ZNF721: variants seen among roughly 807,000 people sequenced by gnomAD.
The protein encoded by ZNF721 is zinc finger protein 721.
Under a neutral mutation model 2.4 loss-of-function variants are expected in ZNF721, and 2 were observed. The ratio of observed to expected loss-of-function variants is 0.82; its 90% CI spans 0.34 to 2.58. ZNF721 has a LOEUF of 2.58. Ranked by LOEUF, ZNF721 falls within the 30% of genes most tolerant of loss-of-function variation. The pLI is 0.11. For missense variants in ZNF721, 1,187 were observed against 1,085.5 expected (o/e 1.09, Z -1.31); for synonymous variants, 398 against 381.8 (o/e 1.04, Z -0.50).
intron 2 of ZNF721, among the ~76,000 whole-genome samples, chr4:450,959 ATATATATATAT>A (rs1560228772): frequency 0.041 from 902 of 22,138 alleles, 48 homozygotes; most frequent in East Asian, 0.2. Flanking sequence ...AAAAAAAAAT[ATATATATATAT>A]ATATATATAT....
Position 443,403 on chromosome 4 carries a change from T to C in ZNF721, c.1064A>G (p.His355Arg), listed in dbSNP as rs782392599. 6.2e-7 allele frequency: 1 copy of C among 1,612,972 alleles called. No individual in the cohort carries two copies. The highest frequency in any genetic ancestry group is 8.5e-7 in the Non-Finnish European group (1 of 1,179,174). The stretch of plus-strand genomic sequence containing the variant: ...GCATTTGTAAGGTTTCTCTCCAGTA[T>C]GAATTCTCCTATGTACGTAAAGGTT... ...SANLYVHRRIHTGEKPYKCED... is the reference protein window; with the variant it reads ...SANLYVHRRIRTGEKPYKCED... Residue 355 changes from histidine to arginine, a missense_variant, in exon 3 of 3, where the codon CAT becomes CGT. Transcript: ENST00000511833.
At chr4:494,325 G>A (rs1387114815) in intron 1 of ZNF721, among the ~76,000 whole-genome samples, 1 of 151,630 alleles carries the variant, frequency 6.6e-6, no homozygotes, top group Non-Finnish European at 1.5e-5. Flanking sequence ...GGGACTACAG[G>A]CGCCCGCCAC....
chr4:493,505 C>G (rs928719661), intron 1 of ZNF721, among the ~76,000 whole-genome samples: 1 of 152,094 alleles, frequency 6.6e-6, no homozygotes, highest in African/African-American at 2.4e-5. Flanking sequence ...ATGGCGAAAC[C>G]CTTTCTTTAC....
At chr4:486,573 T>C (rs1392086609) in intron 1 of ZNF721, among the ~76,000 whole-genome samples, 1 of 152,186 alleles carries the variant, frequency 6.6e-6, no homozygotes, top group Non-Finnish European at 1.5e-5. Context: ...TCGGCTAAAT[T>C]GCACTGGGAA....
intron 1 of ZNF721, among the ~76,000 whole-genome samples, chr4:483,169 A>G (rs1209719354): frequency 6.6e-6 from 1 of 152,238 alleles, no homozygotes; most frequent in Non-Finnish European, 1.5e-5. Context: ...CAGGTGGAGC[A>G]TCAGCCTATT....
intron 2 of ZNF721, among the ~76,000 whole-genome samples, chr4:454,228 T>TG (rs1376919870): frequency 6.6e-6 from 1 of 152,198 alleles, no homozygotes; most frequent in Non-Finnish European, 1.5e-5. Context: ...GAGATACACT[T>TG]GGGGGTGGCC....
chr4:494,067 TTTTA>T (rs1227811169), intron 1 of ZNF721, among the ~76,000 whole-genome samples: 1 of 152,214 alleles, frequency 6.6e-6, no homozygotes, highest in African/African-American at 2.4e-5. Context: ...ATTTAAGTGC[TTTTA>T]TTTTTCTTTA....
At chr4:473,612 CTA>C (rs1199033477) in intron 1 of ZNF721, among the ~76,000 whole-genome samples, 18 of 152,212 alleles carry the variant, frequency 1.2e-4, no homozygotes, top group Admixed American at 6.5e-5. Context: ...CACATGAACT[CTA>C]TGTTTTGATG....
At chr4:446,842 C>T (rs1553864245) in intron 2 of ZNF721, among the ~76,000 whole-genome samples, 1 of 151,822 alleles carries the variant, frequency 6.6e-6, no homozygotes, top group Non-Finnish European at 1.5e-5. Flanking sequence ...ACAGGCGCAC[C>T]ACCACGCCCA....
intron 2 of ZNF721, among the ~76,000 whole-genome samples, chr4:460,274 G>A (rs956522673): frequency 2.0e-5 from 3 of 152,090 alleles, no homozygotes; most frequent in Admixed American, 2.0e-4. Flanking sequence ...TTAGGACTCA[G>A]GATTAAGAAA....
At chr4:451,522 C>T (rs1309794992) in intron 2 of ZNF721, among the ~76,000 whole-genome samples, 1 of 152,180 alleles carries the variant, frequency 6.6e-6, no homozygotes, top group Non-Finnish European at 1.5e-5. Context: ...GACTCTGGAG[C>T]CCAGGCTGTT....
At position 443,463 on chromosome 4, in the gene ZNF721, C is replaced by T; in HGVS notation, c.1004G>A (p.Cys335Tyr). 1 of 1,612,120 alleles carries T rather than the reference C, an allele frequency of 6.2e-7. No individual in the cohort carries two copies. The highest frequency in any genetic ancestry group is 8.5e-7 in the Non-Finnish European group (1 of 1,178,394). Reference protein sequence around the residue: ...RIHTGEKPYTCGECGKTFRQS... With the variant: ...RIHTGEKPYTYGECGKTFRQS... ...TCTAAAGGTTTTGCCACATTCTCCA[C>T]ATGTGTAGGGTTTCTCTCCAGTATG... is the stretch of plus-strand genomic sequence containing the variant. The change falls in exon 3 of 3, where the codon TGT becomes TAT. Residue 335 changes from cysteine to tyrosine, a missense_variant. Physicochemically the swap from Cys to Tyr is radical, Grantham distance 194 (BLOSUM62 -2). Transcript: ENST00000511833.
At chr4:451,415 G>C (rs1045687404) in intron 2 of ZNF721, among the ~76,000 whole-genome samples, 2 of 152,072 alleles carry the variant, frequency 1.3e-5, no homozygotes, top group South Asian at 2.1e-4. Flanking sequence ...CTAGTGATGG[G>C]ACCTCGTGCC....
intron 2 of ZNF721, among the ~76,000 whole-genome samples, chr4:472,112 G>T (rs2078923665): frequency 6.6e-6 from 1 of 152,174 alleles, no homozygotes; most frequent in Admixed American, 6.5e-5. Flanking sequence ...TCCCAGACAG[G>T]AGTTCAATGG....
rs1715442135 is a variant in ZNF721, at chr4:471,736, T to C, written c.34+839A>G. Among the ~76,000 whole-genome samples the C allele has an allele frequency of 2.0e-5, 3 of 152,128 alleles. No individual in the cohort carries two copies. In the South Asian group the frequency reaches 6.2e-4, roughly 31 times the overall value. On this transcript the variant is annotated intron_variant, in intron 2 of 2. Coordinates refer to ENST00000511833, the MANE Select transcript of ZNF721 (RefSeq NM_133474.4). ...TACAATTTGCTAGGACACTAGGCCT[T>C]AAGTGTTCTTATTACCAAAAAAATC... is the stretch of plus-strand genomic sequence containing the variant.
At chr4:467,749 C>T (rs1366152730) in intron 2 of ZNF721, among the ~76,000 whole-genome samples, 6 of 152,242 alleles carry the variant, frequency 3.9e-5, no homozygotes, top group African/African-American at 1.4e-4. Flanking sequence ...AGTTGTGCTC[C>T]TTGAAGCAGC....
intron 2 of ZNF721, among the ~76,000 whole-genome samples, chr4:468,686 A>G (rs1354980200): frequency 6.6e-6 from 1 of 152,200 alleles, no homozygotes; most frequent in Non-Finnish European, 1.5e-5. Flanking sequence ...ACTCAGCTAC[A>G]ACCCTTCTTC....
At position 442,905 on chromosome 4, in the gene ZNF721, C is replaced by A; in HGVS notation, c.1562G>T (p.Arg521Ile). ...GTAGGGTTTCTCTCCAGTATGAATT[C>A]TCCTATGTTTAGTAAGGGTTGTGGA... ...TSSTTLTKHR[R>I]IHTGEKPYTC... Residue 521 changes from arginine to isoleucine, a missense_variant, in exon 3 of 3, where the codon AGA becomes ATA. Physicochemically the swap from Arg to Ile is moderately conservative, Grantham distance 97. Transcript: ENST00000511833. 6.2e-7 allele frequency: 1 copy of A among 1,613,786 alleles called. No homozygotes were observed. The highest frequency in any genetic ancestry group is 8.5e-7 in the Non-Finnish European group (1 of 1,179,892).
In ZNF721 at chr4:443,461, C is replaced by T. The variant is rs1714348282; in HGVS notation, c.1006G>A (p.Gly336Arg). 6.2e-7 allele frequency: 1 copy of T among 1,611,726 alleles called. No individual in the cohort carries two copies. Among genetic ancestry groups the T allele is most frequent in the South Asian group, 1.1e-5 (1 of 90,960 alleles). Reference protein sequence around the residue: ...IHTGEKPYTCGECGKTFRQSA... With the variant: ...IHTGEKPYTCRECGKTFRQSA... ...TGTCTAAAGGTTTTGCCACATTCTC[C>T]ACATGTGTAGGGTTTCTCTCCAGTA... The change falls in exon 3 of 3, where the codon GGA (glycine) becomes AGA (arginine). Residue 336 changes from glycine to arginine, a missense_variant. Coordinates refer to ENST00000511833, the MANE Select transcript of ZNF721 (RefSeq NM_133474.4).
Sources: allele counts gnomAD v4.1 joint callset (sites outside exome capture counted in the v4.1 genomes callset), GRCh38; gene constraint gnomAD v4.1.1; transcripts MANE v1.5; gene names NCBI Gene and HGNC (gene_info 2026-07-23, HGNC 2026-07-21).